The following SND1 variants were observed in gnomAD, a reference collection of about 807,000 sequenced individuals.
SND1 encodes staphylococcal nuclease domain-containing protein 1.
In SND1, 38 loss-of-function variants were observed where a neutral mutation model predicts 121.7. The ratio of observed to expected loss-of-function variants is 0.31; its 90% CI spans 0.24 to 0.41. SND1 has a LOEUF of 0.41. Among genes scored for constraint, SND1 ranks in the 10% least tolerant of loss-of-function variants. The pLI is 1.00. For missense variants in SND1, 868 were observed against 1,184.6 expected (o/e 0.73, Z 3.92); for synonymous variants, 401 against 447.4 (o/e 0.90, Z 1.31).
intron 10 of SND1, among the ~76,000 whole-genome samples, chr7:127,801,769 CTG>C (rs1469758980): frequency 6.6e-6 from 1 of 152,212 alleles, no homozygotes; most frequent in African/African-American, 2.4e-5. Flanking sequence ...TTTGAAAGGA[CTG>C]TATATACACT....
intron 10 of SND1, among the ~76,000 whole-genome samples, chr7:127,749,684 A>G (rs1321046093): frequency 6.6e-6 from 1 of 152,234 alleles, no homozygotes; most frequent in African/African-American, 2.4e-5. Context: ...TTAAAGTTTT[A>G]ATCCAGGAGG....
chr7:127,988,646 A>G (rs1317103248), intron 15 of SND1, among the ~76,000 whole-genome samples: 1 of 152,222 alleles, frequency 6.6e-6, no homozygotes, highest in Non-Finnish European at 1.5e-5. Flanking sequence ...ACCTGGTGAG[A>G]TTTCAGAATA....
At chr7:127,773,709 G>T (rs904593207) in intron 10 of SND1, among the ~76,000 whole-genome samples, 1 of 152,060 alleles carries the variant, frequency 6.6e-6, no homozygotes, top group Non-Finnish European at 1.5e-5. Context: ...ATCTGTTGTG[G>T]GTTGAATTGT....
chr7:127,812,160 C>T (rs1048110466), intron 11 of SND1, among the ~76,000 whole-genome samples: 2 of 152,224 alleles, frequency 1.3e-5, no homozygotes, highest in Non-Finnish European at 2.9e-5. Flanking sequence ...GAAATGTTTA[C>T]TTCTCTGTTG....
At chr7:127,856,744 T>A (rs1799281228) in intron 12 of SND1, among the ~76,000 whole-genome samples, 1 of 152,222 alleles carries the variant, frequency 6.6e-6, no homozygotes. Context: ...ACGCATTAGG[T>A]CAGTAGCAAT....
chr7:128,031,509 C>G (rs1300225503), intron 16 of SND1: 3 of 151,526 alleles, frequency 2.0e-5, no homozygotes, highest in Non-Finnish European at 4.4e-5. Context: ...ACACACACCC[C>G]CTTTCTCCTC....
intron 10 of SND1, among the ~76,000 whole-genome samples, chr7:127,744,745 G>T (rs1796947099): frequency 6.6e-6 from 1 of 152,098 alleles, no homozygotes; most frequent in South Asian, 2.1e-4. Context: ...AGAAATACAG[G>T]TGCAAAAAGG....
At chr7:127,940,318 T>C (rs771929731) in intron 15 of SND1, among the ~76,000 whole-genome samples, 23 of 152,142 alleles carry the variant, frequency 1.5e-4, no homozygotes, top group Non-Finnish European at 2.4e-4. Flanking sequence ...TATTCAACAC[T>C]ATCTTGTCAA....
intron 13 of SND1, among the ~76,000 whole-genome samples, chr7:127,894,391 A>G (rs1473206057): frequency 1.3e-5 from 2 of 151,992 alleles, no homozygotes; most frequent in East Asian, 3.9e-4. Flanking sequence ...CTTAAAAAAA[A>G]AAAAAAGAAG....
chr7:127,807,520 C>A lies in SND1; in HGVS notation c.1189C>A (p.Pro397Thr). Residue 397 changes from proline (P) to threonine (T), a missense_variant, in exon 11 of 24, where the codon CCT becomes ACT. Transcript: ENST00000354725. The stretch of plus-strand genomic sequence containing the variant: ...GAAACTGCGTCCCCTGTATGACATT[C>A]CTTACATGTTTGAGGCCCGGGAATT... ...NKKLRPLYDI[P>T]YMFEAREFLR... is the part of the protein sequence containing the mutation. The A allele has an allele frequency of 6.2e-7, 1 of 1,613,986 alleles. No individual in the cohort carries two copies. The highest frequency in any genetic ancestry group is 1.7e-4 in the Middle Eastern group (1 of 6,060).
At chr7:128,081,541 T>G (rs1380888106) in intron 18 of SND1, 40 bp downstream of exon 18, 3 of 1,610,184 alleles carry the variant, frequency 1.9e-6, no homozygotes, top group Non-Finnish European at 1.7e-6. Context: ...CCTGGCTTGG[T>G]CCAGCTGGCG....
intron 1 of SND1, 149 bp downstream of exon 1, chr7:127,652,600 A>C: frequency 1.5e-6 from 1 of 680,766 alleles, no homozygotes; most frequent in Non-Finnish European, 2.5e-6. Flanking sequence ...GAATCCTCTC[A>C]CTAGACGGAA....
rs2116361916 is a variant in SND1, at chr7:127,710,443, A to T, written c.1038+2796A>T. Among the ~76,000 whole-genome samples, 3 of 136,708 alleles carry T rather than the reference A, an allele frequency of 2.2e-5. No homozygotes were observed. In the South Asian group the frequency reaches 6.7e-4, roughly 31 times the overall value. 89.7% of individuals were successfully genotyped at this position (136,708 alleles called of 152,430 possible). ...TTACTTCCTTCATCAAGAAAAGCTTACTACAAAAAAAAAAAAAAAAGTCAG... is the reference window on the plus strand; with the variant it reads ...TTACTTCCTTCATCAAGAAAAGCTTTCTACAAAAAAAAAAAAAAAAGTCAG... On this transcript the variant is annotated intron_variant, in intron 9 of 23. Coordinates refer to ENST00000354725, the MANE Select transcript of SND1 (RefSeq NM_014390.4).
At chr7:128,028,983 C>T (rs773227394) in intron 16 of SND1, 3 of 1,611,048 alleles carry the variant, frequency 1.9e-6, no homozygotes, top group Non-Finnish European at 1.7e-6. Context: ...CTGCTGGTGC[C>T]GCTTACGAAG....
At chr7:127,914,475 G>C (rs1170568328) in intron 14 of SND1, among the ~76,000 whole-genome samples, 1 of 151,984 alleles carries the variant, frequency 6.6e-6, no homozygotes, top group African/African-American at 2.4e-5. Flanking sequence ...CCATGATTTT[G>C]TGCTTGTTGA....
At chr7:127,856,293 CTACTT>C (rs1474302524) in intron 12 of SND1, among the ~76,000 whole-genome samples, 1 of 152,178 alleles carries the variant, frequency 6.6e-6, no homozygotes, top group Non-Finnish European at 1.5e-5. Flanking sequence ...TGCTAGCTAT[CTACTT>C]TACCTGTTTA....
intron 15 of SND1, among the ~76,000 whole-genome samples, chr7:127,966,965 C>T (rs937034351): frequency 6.6e-6 from 1 of 152,166 alleles, no homozygotes; most frequent in African/African-American, 2.4e-5. Context: ...ATATTTCTAA[C>T]GGGGCACTAG....
At chr7:128,012,712 GGCTGGAAGCTTCCAT>G (rs1803142244) in intron 16 of SND1, among the ~76,000 whole-genome samples, 1 of 152,160 alleles carries the variant, frequency 6.6e-6, no homozygotes, top group Non-Finnish European at 1.5e-5. Context: ...CTGGAGCTCA[GGCTGGAAGCTTCCAT>G]GCTACATTTA....
chr7:127,885,784 T>A (rs1469047658), intron 12 of SND1, among the ~76,000 whole-genome samples: 1 of 152,146 alleles, frequency 6.6e-6, no homozygotes, highest in African/African-American at 2.4e-5. Context: ...CCAAACCCCA[T>A]GTATTTACTG....
Sources: gnomAD v4.1 joint callset for allele counts (sites outside exome capture counted in the v4.1 genomes callset) on GRCh38, gnomAD v4.1.1 for gene constraint, MANE v1.5 for transcripts, NCBI Gene and HGNC (gene_info 2026-07-23, HGNC 2026-07-21) for gene names.